Variants in MAP3K5 observed in about 807,000 individuals in gnomAD.
MAP3K5 encodes the protein mitogen-activated protein kinase kinase kinase 5.
MAP3K5 carries 56 observed loss-of-function variants against 158.7 expected under a neutral mutation model. The observed-to-expected ratio is 0.35, with a 90% CI of 0.28 to 0.44. MAP3K5 has a LOEUF of 0.44. Among genes scored for constraint, MAP3K5 ranks in the 20% least tolerant of loss-of-function variants. The pLI is 1.00. For synonymous variants in MAP3K5, 579 were observed against 601.7 expected (o/e 0.96, Z 0.55); for missense variants, 1,294 against 1,674.8 (o/e 0.77, Z 3.97).
At chr6:136,761,377 A>G (rs952361674) in intron 1 of MAP3K5, among the ~76,000 whole-genome samples, 1 of 151,648 alleles carries the variant, frequency 6.6e-6, no homozygotes, top group African/African-American at 2.4e-5. Flanking sequence ...GGGAAGACAG[A>G]AGAGTAGATC....
intron 1 of MAP3K5, among the ~76,000 whole-genome samples, chr6:136,773,794 G>A (rs1183680821): frequency 6.6e-6 from 1 of 151,912 alleles, no homozygotes; most frequent in Non-Finnish European, 1.5e-5. Flanking sequence ...ACCACAGGCG[G>A]GTGCCACCAC....
At position 136,636,054 on chromosome 6, in the gene MAP3K5, C is replaced by G. The variant is rs1583313787; in HGVS notation, c.2016+1271G>C. ...TATAGATTCTTCATTTTCACTTTAA[C>G]ATTAAAAATATAATTTTCAGTATGG... is the stretch of plus-strand genomic sequence containing the variant. On this transcript the variant is annotated intron_variant, in intron 14 of 29. Transcript: ENST00000359015. Among the ~76,000 whole-genome samples the G allele has an allele frequency of 3.3e-5, 5 of 152,254 alleles. 1 individual carries two copies. In the East Asian group the frequency reaches 7.7e-4, roughly 23 times the overall value.
intron 1 of MAP3K5, among the ~76,000 whole-genome samples, chr6:136,764,503 T>C (rs1172744655): frequency 3.9e-5 from 6 of 152,270 alleles, no homozygotes; most frequent in East Asian, 3.9e-4. Flanking sequence ...ATGAACCTTA[T>C]TGGATGTTCC....
chr6:136,568,897 A>G (rs1774242044), intron 25 of MAP3K5, among the ~76,000 whole-genome samples: 1 of 151,352 alleles, frequency 6.6e-6, no homozygotes, highest in Non-Finnish European at 1.5e-5. Flanking sequence ...ATGATATTGT[A>G]AACCAAAAAT....
At chr6:136,700,247 C>T (rs920965356) in intron 3 of MAP3K5, among the ~76,000 whole-genome samples, 4 of 152,056 alleles carry the variant, frequency 2.6e-5, no homozygotes, top group Non-Finnish European at 5.9e-5. Context: ...GGGCAGGTAA[C>T]AAGATGCACT....
chr6:136,630,777 G>C (rs9389419), intron 14 of MAP3K5, among the ~76,000 whole-genome samples: 5,753 of 152,226 alleles, frequency 0.038, 195 homozygotes, highest in East Asian at 0.11. Flanking sequence ...CTCAACTCTA[G>C]CTGTTTAGGG....
At chr6:136,616,108 C>T (rs1349414134) in intron 15 of MAP3K5, among the ~76,000 whole-genome samples, 1 of 152,024 alleles carries the variant, frequency 6.6e-6, no homozygotes, top group East Asian at 1.9e-4. Context: ...TTAAAATGAG[C>T]ACTTTAATAG....
intron 25 of MAP3K5, among the ~76,000 whole-genome samples, chr6:136,568,857 C>CAAAAAAA (rs60185973): frequency 2.2e-5 from 1 of 45,942 alleles, no homozygotes; most frequent in African/African-American, 8.7e-5. Flanking sequence ...GAGTCTGTCT[C>CAAAAAAA]AAAAAAAAAA....
At chr6:136,783,024 C>G (rs1031179578) in intron 1 of MAP3K5, among the ~76,000 whole-genome samples, 1 of 152,212 alleles carries the variant, frequency 6.6e-6, no homozygotes, top group Non-Finnish European at 1.5e-5. Flanking sequence ...AACAACTAGG[C>G]TAGGCGCAGT....
chr6:136,770,786 T>C (rs1784165219), intron 1 of MAP3K5, among the ~76,000 whole-genome samples: 4 of 152,132 alleles, frequency 2.6e-5, no homozygotes, highest in Admixed American at 2.0e-4. Flanking sequence ...CACAAATGAA[T>C]ACTTCTCGGA....
Position 136,651,071 on chromosome 6 carries a change from G to T in MAP3K5, c.1701C>A (p.Thr567=), listed in dbSNP as rs756277123. Residue 567 remains threonine (T), a synonymous_variant, in exon 11 of 30, where the codon ACC becomes ACA. Coordinates refer to ENST00000359015, the MANE Select transcript of MAP3K5 (RefSeq NM_005923.4). ...VRFPVLILEP[T]KIYQPSYLSI... is the part of the protein sequence containing the mutation. ...ACAAATAAGAAGGTTGATAGATTTT[G>T]GTTGGTTCTAATATTAATACCTTGA... 6.2e-7 allele frequency: 1 copy of T among 1,604,844 alleles called. No homozygotes were observed. Among genetic ancestry groups the T allele is most frequent in the South Asian group, 1.1e-5 (1 of 90,190 alleles).
At chr6:136,628,842 G>A (rs1252941735) in intron 14 of MAP3K5, among the ~76,000 whole-genome samples, 1 of 152,214 alleles carries the variant, frequency 6.6e-6, no homozygotes, top group Middle Eastern at 3.4e-3. Context: ...ACGAGATAAA[G>A]ATAGAAATTG....
chr6:136,654,234 C>A (rs1778645325), intron 10 of MAP3K5, among the ~76,000 whole-genome samples: 1 of 152,152 alleles, frequency 6.6e-6, no homozygotes, highest in South Asian at 2.1e-4. Context: ...CAGATAGAAT[C>A]CCAGAATATT....
At position 136,720,472 on chromosome 6, in the gene MAP3K5, G is replaced by A. The variant is rs781159617; in HGVS notation, c.566C>T (p.Ser189Leu). Residue 189 changes from serine (S) to leucine (L), a missense_variant, in exon 2 of 30, where the codon TCG becomes TTG. Around this residue, in one of 5 missense-constraint regions of MAP3K5, gnomAD observed 690 missense variants for 870.5 expected, o/e 0.79. Coordinates refer to ENST00000359015, the MANE Select transcript of MAP3K5 (RefSeq NM_005923.4). ...TACCTTCAGTGACTGCAGAGAGTCC[G>A]AGTTAGTATCACAGTAGAGGATGAT... The part of the protein sequence containing the change: ...NNIILYCDTN[S>L]DSLQSLKEII... 9 of 1,610,490 alleles carry A rather than the reference G, an allele frequency of 5.6e-6. No homozygotes were observed. Among genetic ancestry groups the A allele is most frequent in the South Asian group, 2.2e-5 (2 of 90,602 alleles).
At chr6:136,728,639 TC>T (rs1208825725) in intron 1 of MAP3K5, among the ~76,000 whole-genome samples, 1 of 152,214 alleles carries the variant, frequency 6.6e-6, no homozygotes, top group Non-Finnish European at 1.5e-5. Flanking sequence ...TATATTCTGG[TC>T]CATGATTTCC....
Position 136,557,796 on chromosome 6 carries a change from A to G in MAP3K5, c.4087T>C (p.Trp1363Arg). 6.2e-7 allele frequency: 1 copy of G among 1,611,926 alleles called. No individual in the cohort carries two copies. The highest frequency in any genetic ancestry group is 8.5e-7 in the Non-Finnish European group (1 of 1,178,014). Residue 1363 changes from tryptophan (W) to arginine (R), a missense_variant, in exon 30 of 30, where the codon TGG becomes CGG. By Grantham distance (101) the Trp-to-Arg change is moderately radical (BLOSUM62 -3). Transcript: ENST00000359015. ...TTTCGAAAGTCAATGATAGCCTTCC[A>G]CAGTGTGCACAGCATCCCTCCCCTG... ...RLRGGMLCTL[W>R]KAIIDFRNKQ...
At chr6:136,654,281 G>A (rs1445355713) in intron 10 of MAP3K5, among the ~76,000 whole-genome samples, 1 of 152,148 alleles carries the variant, frequency 6.6e-6, no homozygotes, top group East Asian at 1.9e-4. Flanking sequence ...CTCTAAAAAT[G>A]CTCTTGTCTC....
rs755338124 is a variant in MAP3K5 at position 136,592,154 on chromosome 6, C to A, written c.3225+19G>T. On this transcript the variant is annotated intron_variant, in intron 23 of 29. Coordinates refer to ENST00000359015, the MANE Select transcript of MAP3K5 (RefSeq NM_005923.4). ...AATATGTAACCTTTGGGAAATGAAG[C>A]ACCTGGGAGAGGATTTACCTGAGCT... is the stretch of plus-strand genomic sequence containing the variant. 2 of 1,542,860 alleles carry A rather than the reference C, an allele frequency of 1.3e-6. No homozygotes were observed. Among genetic ancestry groups the A allele is most frequent in the Admixed American group, 4.3e-5 (2 of 46,854 alleles).
intron 3 of MAP3K5, among the ~76,000 whole-genome samples, chr6:136,703,276 T>C (rs1020140277): frequency 6.6e-6 from 1 of 152,244 alleles, no homozygotes; most frequent in Non-Finnish European, 1.5e-5. Context: ...TTTATCAGCC[T>C]GCTTCTCCAC....
Sources: allele counts gnomAD v4.1 joint callset (sites outside exome capture counted in the v4.1 genomes callset), GRCh38; gene constraint gnomAD v4.1.1; regional missense constraint gnomAD v4.1.1; transcripts MANE v1.5; gene names NCBI Gene and HGNC (gene_info 2026-07-23, HGNC 2026-07-21).